DAB1: variants seen among roughly 807,000 people sequenced by gnomAD.
The protein encoded by DAB1 is DAB adaptor protein 1, also known as disabled homolog 1.
Under a neutral mutation model 64.6 loss-of-function variants are expected in DAB1, and 15 were observed. The observed-to-expected ratio is 0.23, with a 90% CI of 0.16 to 0.36. The LOEUF is 0.36. Among genes scored for constraint, DAB1 ranks in the 10% least tolerant of loss-of-function variants. The probability of loss-of-function intolerance (pLI) is 1.00; values close to 1 mark genes in which losing one functional copy is unlikely to be tolerated. For synonymous variants in DAB1, 235 were observed against 251.9 expected, an observed-to-expected ratio of 0.93 and a Z score of 0.64; for missense variants, 596 against 706.7, an observed-to-expected ratio of 0.84 and a Z score of 1.78.
intron 7 of DAB1, among the ~76,000 whole-genome samples, chr1:57,500,676 G>A (rs1644280207): frequency 6.6e-6 from 1 of 152,148 alleles, no homozygotes; most frequent in Non-Finnish European, 1.5e-5. Context: ...ATGCCAAGGA[G>A]AATGTTATTC....
chr1:58,330,460 G>A (rs896623498), intron 4 of DAB1, among the ~76,000 whole-genome samples: 1 of 152,204 alleles, frequency 6.6e-6, no homozygotes, highest in Middle Eastern at 3.2e-3. Flanking sequence ...GATAATTTAT[G>A]AAAGTACTAA....
At chr1:58,290,950 C>T (rs1273882829) in intron 4 of DAB1, among the ~76,000 whole-genome samples, 2 of 152,082 alleles carry the variant, frequency 1.3e-5, no homozygotes. Context: ...ACAAATCTTC[C>T]TTTAAACAAG....
intron 4 of DAB1, among the ~76,000 whole-genome samples, chr1:58,152,133 G>A (rs924335590): frequency 7.9e-5 from 12 of 151,962 alleles, no homozygotes; most frequent in African/African-American, 2.7e-4. Context: ...GTATTTTTTC[G>A]ACTCACTTCC....
intron 2 of DAB1, among the ~76,000 whole-genome samples, chr1:57,200,985 A>C (rs1665048884): frequency 6.6e-6 from 1 of 152,190 alleles, no homozygotes; most frequent in Non-Finnish European, 1.5e-5. Flanking sequence ...GAAGGAATAA[A>C]TGCAGATGAG....
intron 2 of DAB1, among the ~76,000 whole-genome samples, chr1:57,147,027 T>C (rs1659208837): frequency 1.5e-5 from 2 of 132,970 alleles, no homozygotes; most frequent in South Asian, 4.8e-4. Context: ...GCTGTCCCAC[T>C]GTTTTTCTTT....
At chr1:58,117,785 G>A (rs982147379) in intron 5 of DAB1, among the ~76,000 whole-genome samples, 1 of 151,778 alleles carries the variant, frequency 6.6e-6, no homozygotes, top group African/African-American at 2.4e-5. Context: ...GGATAGCCAT[G>A]CTTCACTGTG....
At chr1:58,340,864 A>AT (rs1446342529) in intron 4 of DAB1, among the ~76,000 whole-genome samples, 5 of 152,252 alleles carry the variant, frequency 3.3e-5, no homozygotes, top group African/African-American at 1.2e-4. Context: ...ATTGTCTTCC[A>AT]TAAGCAGAAA....
At chr1:57,812,012 A>C (rs1233416469) in intron 6 of DAB1, among the ~76,000 whole-genome samples, 1 of 152,114 alleles carries the variant, frequency 6.6e-6, no homozygotes, top group East Asian at 1.9e-4. Flanking sequence ...GTAAAGAATA[A>C]TATTGGTTCC....
chr1:57,073,626 C>T (rs4276940), intron 4 of DAB1, among the ~76,000 whole-genome samples: 1 of 152,042 alleles, frequency 6.6e-6, no homozygotes, highest in Non-Finnish European at 1.5e-5. Flanking sequence ...GCCTGAATTC[C>T]AGCTACTGTG....
intron 1 of DAB1, among the ~76,000 whole-genome samples, chr1:57,872,840 A>T (rs1054519284): frequency 5.9e-5 from 9 of 152,168 alleles, no homozygotes; most frequent in African/African-American, 2.2e-4. Flanking sequence ...GAAAAGAAGA[A>T]ATGTGAAATG....
intron 3 of DAB1, among the ~76,000 whole-genome samples, chr1:58,400,884 A>T (rs1287687704): frequency 1.3e-5 from 2 of 152,238 alleles, no homozygotes; most frequent in African/African-American, 4.8e-5. Flanking sequence ...TAGAAAATTT[A>T]AAATGAAGAT....
chr1:58,492,487 T>C (rs968221429), intron 3 of DAB1, among the ~76,000 whole-genome samples: 5 of 152,106 alleles, frequency 3.3e-5, no homozygotes, highest in Non-Finnish European at 7.4e-5. Context: ...GTTGGTTTTT[T>C]GAAAAGATCA....
intron 3 of DAB1, among the ~76,000 whole-genome samples, chr1:58,400,938 GA>G: frequency 6.6e-6 from 1 of 152,090 alleles, no homozygotes; most frequent in South Asian, 2.1e-4. Flanking sequence ...CAAAATAAAG[GA>G]ACAAGGACTG....
chr1:57,319,844 A>ACCTC, intron 1 of DAB1, among the ~76,000 whole-genome samples: 1 of 151,890 alleles, frequency 6.6e-6, no homozygotes, highest in Middle Eastern at 3.4e-3. Flanking sequence ...AAGTAAGGAA[A>ACCTC]CCTCTTCTTA....
intron 1 of DAB1, among the ~76,000 whole-genome samples, chr1:57,333,012 C>T (rs1676799626): frequency 1.3e-5 from 2 of 152,252 alleles, no homozygotes; most frequent in Admixed American, 6.5e-5. Context: ...TGTTTCTTTC[C>T]CATCCCGTAG....
At chr1:57,387,084 A>C (rs529282688) in intron 1 of DAB1, 1 of 152,162 alleles carries the variant, frequency 6.6e-6, no homozygotes, top group African/African-American at 2.4e-5. Flanking sequence ...TAACAGTAAG[A>C]CTTTGGATTT....
At position 58,285,704 on chromosome 1, in the gene DAB1, G is replaced by A. The variant is rs558091970; in HGVS notation, n.309+57648C>T. Among the ~76,000 whole-genome samples the A allele has an allele frequency of 2.0e-5, 3 of 152,250 alleles. No individual in the cohort carries two copies. In the South Asian group the frequency reaches 6.2e-4, roughly 32 times the overall value. On this transcript the variant is annotated intron_variant and non_coding_transcript_variant, in intron 4 of 20. Transcript: ENST00000485760. ...AAATGGAAAAATATTCCATGCTCAT[G>A]GATAGGAAGAATCAATATGAAAATG...
At chr1:57,082,071 A>G (rs1282548995) in intron 4 of DAB1, among the ~76,000 whole-genome samples, 1 of 152,238 alleles carries the variant, frequency 6.6e-6, no homozygotes, top group Middle Eastern at 3.2e-3. Flanking sequence ...TAATATAGCT[A>G]CTTACTATCT....
At chr1:58,400,658 A>G (rs1644561062) in intron 3 of DAB1, among the ~76,000 whole-genome samples, 1 of 152,194 alleles carries the variant, frequency 6.6e-6, no homozygotes, top group Non-Finnish European at 1.5e-5. Flanking sequence ...CAAGGAGGAG[A>G]ACTCTTAACC....
Sources: gnomAD v4.1 joint callset for allele counts (sites outside exome capture counted in the v4.1 genomes callset) on GRCh38, gnomAD v4.1.1 for gene constraint, MANE v1.5 for transcripts, NCBI Gene and HGNC (gene_info 2026-07-23, HGNC 2026-07-21) for gene names.